The following PEX5L variants were observed in gnomAD, a reference collection of about 807,000 sequenced individuals.
PEX5L encodes the protein PEX5-related protein.
PEX5L carries 30 observed loss-of-function variants against 84.0 expected under a neutral mutation model. That is an observed-to-expected ratio of 0.36 (90% CI 0.27 to 0.48). PEX5L has a LOEUF of 0.48. PEX5L is among the 20% of genes least tolerant of loss of function. The pLI, the probability that PEX5L is intolerant of heterozygous loss-of-function variation, is 0.99. For missense variants in PEX5L, 533 were observed against 754.6 expected, an observed-to-expected ratio of 0.71 and a Z score of 3.44; for synonymous variants, 270 against 283.1, an observed-to-expected ratio of 0.95 and a Z score of 0.46.
At chr3:179,888,068 G>GA (rs1289292295) in intron 3 of PEX5L, 3 of 997,436 alleles carry the variant, frequency 3.0e-6, no homozygotes, top group African/African-American at 3.3e-5. Context: ...TCAATATATA[G>GA]AAAATGACAC....
chr3:179,807,931 A>G, intron 13 of PEX5L, 100 bp from the exon 14 acceptor site: 1 of 1,096,434 alleles, frequency 9.1e-7, no homozygotes, highest in South Asian at 1.5e-5. Context: ...CTAAAAATTT[A>G]TGCAGTGCTC....
At chr3:179,886,082 T>C (rs1362979261) in intron 4 of PEX5L, among the ~76,000 whole-genome samples, 3 of 152,254 alleles carry the variant, frequency 2.0e-5, no homozygotes, top group South Asian at 2.1e-4. Context: ...TCAAATCTTA[T>C]ATTGCTCTCT....
intron 2 of PEX5L, among the ~76,000 whole-genome samples, chr3:179,935,416 C>T (rs147840665): frequency 4.6e-5 from 7 of 152,232 alleles, no homozygotes; most frequent in South Asian, 2.1e-4. Context: ...TTTTCTACCA[C>T]GAGCGTATAT....
intron 4 of PEX5L, among the ~76,000 whole-genome samples, chr3:179,883,493 T>C (rs1473273802): frequency 1.3e-5 from 2 of 152,218 alleles, no homozygotes; most frequent in South Asian, 2.1e-4. Flanking sequence ...GTTAAGACTG[T>C]CTGAGTTTGA....
At chr3:179,922,988 CTG>C (rs1284261805) in intron 2 of PEX5L, among the ~76,000 whole-genome samples, 2 of 151,874 alleles carry the variant, frequency 1.3e-5, no homozygotes, top group African/African-American at 4.8e-5. Flanking sequence ...GTGAGTCAGT[CTG>C]TTCAAAAACC....
In PEX5L at chr3:179,801,916, AGC is replaced by A; in HGVS notation, c.1791_1792del (p.Leu600AspfsTer11). Reference sequence around the variant, plus strand: ...GAGTTCTGGTTGGTCCATCAGAGAGAGCGCAATTCTGAGGGCAGCCCAGATAT... The same window carrying A: ...GAGTTCTGGTTGGTCCATCAGAGAGAGCAATTCTGAGGGCAGCCCAGATAT... On this transcript the variant is annotated frameshift_variant, in exon 15 of 15. Transcript: ENST00000467460. LOFTEE classifies it high-confidence loss of function. 2.5e-6 allele frequency: 4 copies of A among 1,613,890 alleles called. No individual in the cohort carries two copies. Among genetic ancestry groups the A allele is most frequent in the Non-Finnish European group, 3.4e-6 (4 of 1,179,778 alleles).
intron 2 of PEX5L, among the ~76,000 whole-genome samples, chr3:179,947,406 A>G (rs1044753804): frequency 6.6e-6 from 1 of 152,144 alleles, no homozygotes; most frequent in Non-Finnish European, 1.5e-5. Context: ...CCTTACACCA[A>G]TTATGGAGGC....
At chr3:179,968,395 T>C (rs901670222) in intron 2 of PEX5L, among the ~76,000 whole-genome samples, 4 of 152,114 alleles carry the variant, frequency 2.6e-5, no homozygotes, top group African/African-American at 9.7e-5. Flanking sequence ...AATGTGTACA[T>C]GAAACCTAAA....
intron 7 of PEX5L, among the ~76,000 whole-genome samples, chr3:179,869,446 T>C (rs1325199504): frequency 6.6e-6 from 1 of 152,218 alleles, no homozygotes; most frequent in African/African-American, 2.4e-5. Flanking sequence ...CAAGAAACTT[T>C]ATTCTTAAAA....
chr3:180,034,430 C>T (rs780909260), intron 1 of PEX5L, among the ~76,000 whole-genome samples: 1 of 152,118 alleles, frequency 6.6e-6, no homozygotes, highest in African/African-American at 2.4e-5. Flanking sequence ...CAGGTACACA[C>T]AGGAAGATGA....
chr3:179,870,140 G>T (rs2108654708), intron 7 of PEX5L, among the ~76,000 whole-genome samples: 1 of 152,316 alleles, frequency 6.6e-6, no homozygotes, highest in Middle Eastern at 3.4e-3. Context: ...GCTGCGCTTT[G>T]TCCCACTTCC....
rs181825316 is a variant in PEX5L, at chr3:179,956,644, C to A, written c.93+14950G>T. ...TTCTCAGCTAACTTAAAAATTCATG[C>A]AAACTGAATTTATGCAAATCCGTGT... On this transcript the variant is annotated intron_variant, in intron 2 of 14. Transcript: ENST00000467460. Among the ~76,000 whole-genome samples, 20 of 152,270 alleles carry A rather than the reference C, an allele frequency of 1.3e-4. 1 individual carries two copies. In the East Asian group the frequency reaches 3.7e-3, roughly 28 times the overall value.
intron 2 of PEX5L, among the ~76,000 whole-genome samples, chr3:179,961,514 A>G (rs1782034646): frequency 6.6e-6 from 1 of 152,148 alleles, no homozygotes; most frequent in African/African-American, 2.4e-5. Context: ...GATGGAGAGA[A>G]GTAAAAGCGC....
chr3:180,009,550 A>C (rs1039114158), intron 1 of PEX5L, among the ~76,000 whole-genome samples: 1 of 151,884 alleles, frequency 6.6e-6, no homozygotes, highest in African/African-American at 2.4e-5. Context: ...ACTCAGCATG[A>C]GTTACTGAAA....
chr3:179,991,962 G>A (rs530937351), intron 1 of PEX5L, among the ~76,000 whole-genome samples: 142 of 152,090 alleles, frequency 9.3e-4, no homozygotes, highest in Admixed American at 3.2e-3. Flanking sequence ...TTCCCATGGC[G>A]CTTATTTATA....
At chr3:180,023,039 A>G (rs1790557697) in intron 1 of PEX5L, among the ~76,000 whole-genome samples, 1 of 152,196 alleles carries the variant, frequency 6.6e-6, no homozygotes, top group African/African-American at 2.4e-5. Context: ...CTGTTAGTTG[A>G]GTCATTTTGC....
chr3:179,930,896 A>G (rs1772911375), intron 2 of PEX5L, among the ~76,000 whole-genome samples: 1 of 152,186 alleles, frequency 6.6e-6, no homozygotes, highest in Non-Finnish European at 1.5e-5. Context: ...TTTTTTTCAG[A>G]CAATCCCTGT....
chr3:179,807,907 A>G, intron 13 of PEX5L, 76 bp from the exon 14 acceptor site: 1 of 1,367,226 alleles, frequency 7.3e-7, no homozygotes, highest in Non-Finnish European at 1.0e-6. Flanking sequence ...TTCTCTGCAG[A>G]GAAAGGAAGA....
At chr3:179,918,492 T>C (rs974164528) in intron 2 of PEX5L, among the ~76,000 whole-genome samples, 1 of 152,186 alleles carries the variant, frequency 6.6e-6, no homozygotes, top group African/African-American at 2.4e-5. Flanking sequence ...CAGTAGCTTT[T>C]TTAAGCGTCA....
Sources: allele counts gnomAD v4.1 joint callset (sites outside exome capture counted in the v4.1 genomes callset), GRCh38; gene constraint gnomAD v4.1.1; transcripts MANE v1.5; gene names NCBI Gene and HGNC (gene_info 2026-07-23, HGNC 2026-07-21).